CCDC92: variants seen among roughly 807,000 people sequenced by gnomAD.
The protein encoded by CCDC92 is coiled-coil domain-containing protein 92.
In CCDC92, 12 loss-of-function variants were observed where a neutral mutation model predicts 24.9. The ratio of observed to expected loss-of-function variants is 0.48; its 90% CI spans 0.31 to 0.78. The LOEUF (loss-of-function observed/expected upper bound fraction) is 0.78. Ranked by LOEUF, CCDC92 falls within the 30% of genes least tolerant of loss-of-function variation. The probability of loss-of-function intolerance (pLI) is 0.05; values close to 1 mark genes in which losing one functional copy is unlikely to be tolerated. For synonymous variants in CCDC92, 193 were observed against 196.3 expected (o/e 0.98, Z 0.14); for missense variants, 399 against 439.4 (o/e 0.91, Z 0.82).
At chr12:123,948,564 C>T (rs1020524712) in intron 1 of CCDC92, among the ~76,000 whole-genome samples, 1 of 152,376 alleles carries the variant, frequency 6.6e-6, no homozygotes, top group East Asian at 1.9e-4. Context: ...GTGAGCCACT[C>T]GGAGCCCTCA....
rs1185470269 is a variant in CCDC92, at chr12:123,972,430, T to TCCCTGCCCGGCCCCTCCGC, written c.-60+80_-60+98dup. On this transcript the variant is annotated intron_variant, in intron 1 of 4. Coordinates refer to ENST00000238156, the MANE Select transcript of CCDC92 (RefSeq NM_025140.3). ...TTAAAGTCTTCGCCACGAACTCCCG[T>TCCCTGCCCGGCCCCTCCGC]CCCTGCCCGGCCCCTCCGCCCCTGC... is the stretch of plus-strand genomic sequence containing the variant. The TCCCTGCCCGGCCCCTCCGC allele has an allele frequency of 1.6e-4, 25 of 151,576 alleles. No individual in the cohort carries two copies. In the East Asian group the frequency reaches 2.0e-3, roughly 12 times the overall value. 9.4% of individuals were successfully genotyped at this position (151,576 alleles called of 1,614,324 possible). A position where few individuals can be genotyped will look rare whatever the true frequency, so the allele number is the denominator to read the frequency against.
chr12:123,943,212 G>T, intron 3 of CCDC92, 135 bp downstream of exon 3: 3 of 840,220 alleles, frequency 3.6e-6, no homozygotes, highest in Non-Finnish European at 5.4e-6. Context: ...CAATGAGGAT[G>T]ATATAAGGCA....
Position 123,936,301 on chromosome 12 carries a change from C to T in CCDC92, c.*757G>A, listed in dbSNP as rs565278412. The T allele has an allele frequency of 5.8e-4, 88 of 152,548 alleles. No homozygotes were observed. The highest frequency in any genetic ancestry group is 1.1e-3 in the Non-Finnish European group (76 of 68,186). The allele number at this position is 152,548 out of a possible 1,614,324, so 9.4% of individuals were successfully genotyped here. ...CACATTCTAAGGACTAGCTCTGGGCCGGGAGGAGGCCGGAGTCGCTTCTGG... is the reference window on the plus strand; with the variant it reads ...CACATTCTAAGGACTAGCTCTGGGCTGGGAGGAGGCCGGAGTCGCTTCTGG... On this transcript the variant is annotated 3_prime_UTR_variant, in exon 5 of 5. Coordinates refer to ENST00000238156, the MANE Select transcript of CCDC92 (RefSeq NM_025140.3).
intron 1 of CCDC92, among the ~76,000 whole-genome samples, chr12:123,967,500 T>A (rs1049329305): frequency 6.6e-6 from 1 of 152,054 alleles, no homozygotes; most frequent in Non-Finnish European, 1.5e-5. Context: ...TTCATCTGGG[T>A]TGATGTGTGT....
intron 1 of CCDC92, among the ~76,000 whole-genome samples, chr12:123,967,678 G>C (rs376262344): frequency 2.0e-5 from 3 of 152,210 alleles, no homozygotes; most frequent in Admixed American, 6.5e-5. Flanking sequence ...GTGTTTTTAC[G>C]TGTCCTCTGC....
intron 3 of CCDC92, 143 bp from the exon 4 acceptor site, chr12:123,942,928 A>G (rs959153978): frequency 7.0e-6 from 5 of 714,118 alleles, no homozygotes; most frequent in Non-Finnish European, 1.2e-5. Context: ...AGAGGTGAGC[A>G]TGAGAGCAGC....
intron 1 of CCDC92, among the ~76,000 whole-genome samples, chr12:123,952,148 G>C (rs1956041716): frequency 6.6e-6 from 1 of 152,188 alleles, no homozygotes; most frequent in East Asian, 1.9e-4. Context: ...AGTGCTCAAT[G>C]AATGTTAGCT....
Position 123,935,787 on chromosome 12 carries a change from T to C in CCDC92, c.*1271A>G, listed in dbSNP as rs544018445. 10 of 272,852 alleles carry C rather than the reference T, an allele frequency of 3.7e-5. No individual in the cohort carries two copies. In the South Asian group the frequency reaches 6.0e-4, roughly 16 times the overall value. The allele number at this position is 272,852 out of a possible 1,614,324, so 16.9% of individuals were successfully genotyped here. A position where few individuals can be genotyped will look rare whatever the true frequency, so the allele number is the denominator to read the frequency against. Reference sequence around the variant, plus strand: ...ATTAGGCAAAAGTGCCTGGCATACATAGCATTGGCACAAGTGAGAATCCTA... The same window carrying C: ...ATTAGGCAAAAGTGCCTGGCATACACAGCATTGGCACAAGTGAGAATCCTA... On this transcript the variant is annotated 3_prime_UTR_variant, in exon 5 of 5. Coordinates refer to ENST00000238156, the MANE Select transcript of CCDC92 (RefSeq NM_025140.3).
At position 123,937,142 on chromosome 12, in the gene CCDC92, C is replaced by T; in HGVS notation, c.912G>A (p.Gln304=). 1 of 1,613,050 alleles carries T rather than the reference C, an allele frequency of 6.2e-7. No individual in the cohort carries two copies. Among genetic ancestry groups the T allele is most frequent in the Non-Finnish European group, 8.5e-7 (1 of 1,179,990 alleles). The change falls in exon 5 of 5, where the codon CAG becomes CAA. Residue 304 remains glutamine (Q), a synonymous_variant. Coordinates refer to ENST00000238156, the MANE Select transcript of CCDC92 (RefSeq NM_025140.3). This position sits in a 1 kb window ranked among gnomAD's most constrained non-coding sequence, Gnocchi z 8.4. ...RIHHATPPQA[Q]PEVKTLAVDQ... ...CGACCGCCAGGGTCTTCACCTCGGG[C>T]TGGGCCTGCGGCGGGGTGGCGTGGT...
intron 1 of CCDC92, among the ~76,000 whole-genome samples, chr12:123,951,160 T>C (rs1956015379): frequency 6.6e-6 from 1 of 152,210 alleles, no homozygotes; most frequent in Non-Finnish European, 1.5e-5. Flanking sequence ...ACATACGTGC[T>C]GCAGATCATT....
intron 1 of CCDC92, chr12:123,970,236 G>C (rs1956494875): frequency 6.6e-6 from 1 of 152,172 alleles, no homozygotes; most frequent in Non-Finnish European, 1.5e-5. Flanking sequence ...GAATACCCAG[G>C]AGTCCCTCTC....
At chr12:123,941,120 G>A (rs1197401076) in intron 4 of CCDC92, among the ~76,000 whole-genome samples, 1 of 152,220 alleles carries the variant, frequency 6.6e-6, no homozygotes. Flanking sequence ...TGGGCCAGGA[G>A]AGGACAGGGA....
intron 1 of CCDC92, among the ~76,000 whole-genome samples, chr12:123,957,027 T>A (rs1956164142): frequency 6.6e-6 from 1 of 152,270 alleles, no homozygotes; most frequent in South Asian, 2.1e-4. Flanking sequence ...TTTCCATTTG[T>A]ACAACTGACT....
At chr12:123,969,938 T>A (rs1460453773) in intron 1 of CCDC92, 2 of 152,108 alleles carry the variant, frequency 1.3e-5, no homozygotes, top group Admixed American at 1.3e-4. Context: ...AAAATAAAGT[T>A]AAAGAAAGAA....
chr12:123,951,546 T>C (rs542478963), intron 1 of CCDC92, among the ~76,000 whole-genome samples: 35 of 152,374 alleles, frequency 2.3e-4, no homozygotes, highest in Non-Finnish European at 4.0e-4. Flanking sequence ...ATTCTAGTCA[T>C]GAATAAGTTA....
chr12:123,938,059 A>G (rs1373852352), intron 4 of CCDC92, among the ~76,000 whole-genome samples: 2 of 152,206 alleles, frequency 1.3e-5, no homozygotes, highest in Non-Finnish European at 2.9e-5. Context: ...CCTACTGCAT[A>G]AAAGAATGTC....
intron 1 of CCDC92, among the ~76,000 whole-genome samples, chr12:123,958,447 T>C (rs544115137): frequency 1.6e-4 from 25 of 152,366 alleles, no homozygotes; most frequent in African/African-American, 4.3e-4. Context: ...ATGCAGATTC[T>C]TTCCAAAGGC....
chr12:123,956,006 C>G (rs1289650981), intron 1 of CCDC92, among the ~76,000 whole-genome samples: 1 of 152,144 alleles, frequency 6.6e-6, no homozygotes, highest in Non-Finnish European at 1.5e-5. Context: ...CCAACTCTTC[C>G]AACTTGCCCG....
chr12:123,969,315 A>G (rs1212566292), intron 1 of CCDC92, among the ~76,000 whole-genome samples: 1 of 152,166 alleles, frequency 6.6e-6, no homozygotes, highest in Non-Finnish European at 1.5e-5. Context: ...ATGCAGACAT[A>G]CTGAAAAAAC....
Sources: allele counts gnomAD v4.1 joint callset (sites outside exome capture counted in the v4.1 genomes callset), GRCh38; gene constraint gnomAD v4.1.1; non-coding constraint Gnocchi (gnomAD v3.1); transcripts MANE v1.5; gene names NCBI Gene and HGNC (gene_info 2026-07-23, HGNC 2026-07-21).